The following CALCR variants were observed in gnomAD, a reference collection of about 807,000 sequenced individuals.
The protein encoded by CALCR is calcitonin receptor.
In CALCR, 47 loss-of-function variants were observed where a neutral mutation model predicts 59.5. The ratio of observed to expected loss-of-function variants is 0.79; its 90% CI spans 0.63 to 1.01. CALCR has a LOEUF of 1.01. CALCR is among the 50% of genes least tolerant of loss of function. The probability of loss-of-function intolerance (pLI) is 0.00; values close to 1 mark genes in which losing one functional copy is unlikely to be tolerated. For synonymous variants in CALCR, 213 were observed against 211.3 expected (o/e 1.01, Z -0.07); for missense variants, 566 against 597.1 (o/e 0.95, Z 0.54).
chr7:93,540,077 T>A (rs12704677), intron 2 of CALCR, among the ~76,000 whole-genome samples: 1 of 152,032 alleles, frequency 6.6e-6, no homozygotes, highest in Non-Finnish European at 1.5e-5. Flanking sequence ...TTCTGTTCGC[T>A]GCCCTAGGAT....
At chr7:93,532,452 G>A (rs1482875230) in intron 2 of CALCR, among the ~76,000 whole-genome samples, 2 of 151,968 alleles carry the variant, frequency 1.3e-5, no homozygotes, top group African/African-American at 4.8e-5. Flanking sequence ...GTAAAGTTCA[G>A]GAGGTTAGGT....
chr7:93,519,480 A>G (rs547738060), intron 2 of CALCR, among the ~76,000 whole-genome samples: 2 of 152,150 alleles, frequency 1.3e-5, no homozygotes, highest in East Asian at 3.9e-4. Context: ...CTGTCTTTAT[A>G]TTATAGGGAA....
In CALCR at chr7:93,425,464, C is replaced by A. The variant is rs945425716; in HGVS notation, c.*892G>T. 6.6e-6 allele frequency: 1 copy of A among 152,540 alleles called. No homozygotes were observed. Among genetic ancestry groups the A allele is most frequent in the Non-Finnish European group, 1.5e-5 (1 of 68,002 alleles). The allele number at this position is 152,540 out of a possible 1,614,324, so 9.4% of individuals were successfully genotyped here. The stretch of plus-strand genomic sequence containing the variant: ...GGCAAGAGGTAATCTGCTTTATAAA[C>A]CTTGGAGTAATTTGCTTTATAAATC... On this transcript the variant is annotated 3_prime_UTR_variant, in exon 14 of 14. Transcript: ENST00000426151.
At chr7:93,499,726 T>C (rs1486894105) in intron 2 of CALCR, among the ~76,000 whole-genome samples, 1 of 151,800 alleles carries the variant, frequency 6.6e-6, no homozygotes, top group Non-Finnish European at 1.5e-5. Context: ...AAGTCCACTT[T>C]CACAAATACT....
At chr7:93,429,961 T>A (rs1799623206) in intron 13 of CALCR, among the ~76,000 whole-genome samples, 1 of 140,418 alleles carries the variant, frequency 7.1e-6, no homozygotes. Flanking sequence ...TGAGACAGAG[T>A]CTTGCTGTCT....
At position 93,456,435 on chromosome 7, in the gene CALCR, G is replaced by GA. The variant is rs557004193; in HGVS notation, c.648+4385dup. 7.1e-3 allele frequency among the ~76,000 whole-genome samples: 1,002 copies of GA among 141,088 alleles called. 13 individuals carry two copies. Among genetic ancestry groups the GA allele is most frequent in the African/African-American group, 0.019 (737 of 38,638 alleles). The allele number at this position is 141,088 out of a possible 152,430, so 92.6% of individuals were successfully genotyped here. A position where few individuals can be genotyped will look rare whatever the true frequency, so the allele number is the denominator to read the frequency against. On this transcript the variant is annotated intron_variant, in intron 8 of 13. Transcript: ENST00000426151. ...GTTTTTTGCCTCTTTGTTTTCTGTA[G>GA]AAAAAAAAAAACAGTTTGAAAGAGG...
At chr7:93,455,528 A>G (rs958593794) in intron 8 of CALCR, among the ~76,000 whole-genome samples, 1 of 152,014 alleles carries the variant, frequency 6.6e-6, no homozygotes, top group African/African-American at 2.4e-5. Context: ...AGTATTTAAA[A>G]TAATTTATTT....
intron 13 of CALCR, among the ~76,000 whole-genome samples, chr7:93,429,925 TG>T (rs368462742): frequency 0.21 from 21,005 of 99,088 alleles, 2,415 homozygotes; most frequent in Non-Finnish European, 0.28. Context: ...TTTTTTTTTT[TG>T]TTTGTTTGTT....
chr7:93,479,637 T>TAC lies in CALCR; in HGVS notation c.52-132_52-131dup, dbSNP rs1005198439. 1.9e-5 allele frequency: 15 copies of TAC among 770,122 alleles called. No individual in the cohort carries two copies. The Admixed American group carries it at 2.7e-4, about 14-fold the overall frequency. The allele number at this position is 770,122 out of a possible 1,614,324, so 47.7% of individuals were successfully genotyped here. On this transcript the variant is annotated intron_variant, in intron 3 of 13. Transcript: ENST00000426151. Reference sequence around the variant, plus strand: ...GCAATACTTATTCATGGTCTCTATGTACAGTTTTTTTCATATATATTACAA... The same window carrying TAC: ...GCAATACTTATTCATGGTCTCTATGTACACAGTTTTTTTCATATATATTACAA...
intron 13 of CALCR, among the ~76,000 whole-genome samples, chr7:93,432,145 T>C (rs1799672049): frequency 6.6e-6 from 1 of 152,212 alleles, no homozygotes; most frequent in South Asian, 2.1e-4. Context: ...ACTGATAACA[T>C]ACCAATAATG....
At chr7:93,433,289 C>T (rs908255171) in intron 13 of CALCR, among the ~76,000 whole-genome samples, 2 of 152,100 alleles carry the variant, frequency 1.3e-5, no homozygotes, top group Non-Finnish European at 2.9e-5. Flanking sequence ...GATGTCTTGG[C>T]AAAATGTGAT....
chr7:93,497,566 C>T (rs1319317307), intron 2 of CALCR, among the ~76,000 whole-genome samples: 1 of 151,558 alleles, frequency 6.6e-6, no homozygotes, highest in Non-Finnish European at 1.5e-5. Context: ...GGTGTTCTGA[C>T]TCCTAGTCCT....
chr7:93,473,661 A>G (rs905002317), intron 5 of CALCR, among the ~76,000 whole-genome samples: 11 of 148,954 alleles, frequency 7.4e-5, no homozygotes, highest in Non-Finnish European at 1.5e-4. Context: ...TATCCCTCCA[A>G]CCAGCAGGTC....
intron 7 of CALCR, among the ~76,000 whole-genome samples, chr7:93,463,505 C>T (rs1224925155): frequency 2.0e-5 from 3 of 151,750 alleles, no homozygotes; most frequent in African/African-American, 4.8e-5. Context: ...TGAAGTGAGT[C>T]GAAGGTATTG....
At chr7:93,526,614 G>C (rs1195580533) in intron 2 of CALCR, among the ~76,000 whole-genome samples, 8 of 152,020 alleles carry the variant, frequency 5.3e-5, no homozygotes, top group African/African-American at 1.7e-4. Flanking sequence ...ATAAGCTAGA[G>C]AATATGAAAT....
At chr7:93,572,506 A>G (rs1196049823) in intron 2 of CALCR, among the ~76,000 whole-genome samples, 3 of 152,160 alleles carry the variant, frequency 2.0e-5, no homozygotes, top group Non-Finnish European at 4.4e-5. Flanking sequence ...GAGAATACTG[A>G]TTTAGATTAT....
chr7:93,467,809 A>C (rs943175561), intron 7 of CALCR, among the ~76,000 whole-genome samples: 3 of 151,620 alleles, frequency 2.0e-5, no homozygotes, highest in African/African-American at 7.3e-5. Context: ...TACCAATAAT[A>C]ATAATAATAA....
intron 2 of CALCR, among the ~76,000 whole-genome samples, chr7:93,562,847 C>T (rs887791092): frequency 6.6e-6 from 1 of 152,068 alleles, no homozygotes; most frequent in Non-Finnish European, 1.5e-5. Flanking sequence ...GATCAATATT[C>T]TTTCTTTTAT....
intron 2 of CALCR, among the ~76,000 whole-genome samples, chr7:93,488,311 A>T (rs941773684): frequency 6.6e-6 from 1 of 151,546 alleles, no homozygotes; most frequent in Admixed American, 6.6e-5. Context: ...AACACACCAA[A>T]ATATAAAACC....
Sources: gnomAD v4.1 joint callset for allele counts (sites outside exome capture counted in the v4.1 genomes callset) on GRCh38, gnomAD v4.1.1 for gene constraint, MANE v1.5 for transcripts, NCBI Gene and HGNC (gene_info 2026-07-23, HGNC 2026-07-21) for gene names.